Variants in SYT2 observed in about 807,000 individuals in gnomAD.
The protein encoded by SYT2 is synaptotagmin-2.
In SYT2, 15 loss-of-function variants were observed where a neutral mutation model predicts 39.9. That is an observed-to-expected ratio of 0.38 (90% CI 0.25 to 0.58). The LOEUF (loss-of-function observed/expected upper bound fraction) is 0.58. SYT2 is among the 20% of genes least tolerant of loss of function. The pLI is 0.70. For missense variants in SYT2, 389 were observed against 530.3 expected, an observed-to-expected ratio of 0.73 and a Z score of 2.62; for synonymous variants, 181 against 204.5, an observed-to-expected ratio of 0.89 and a Z score of 0.98.
intron 1 of SYT2, among the ~76,000 whole-genome samples, chr1:202,684,155 C>G (rs950594511): frequency 6.6e-6 from 1 of 152,072 alleles, no homozygotes; most frequent in South Asian, 2.1e-4. Context: ...ATTAGCCTAC[C>G]TGTCCCCTTC....
intron 1 of SYT2, among the ~76,000 whole-genome samples, chr1:202,709,874 G>C (rs1654351159): frequency 6.6e-6 from 1 of 152,174 alleles, no homozygotes; most frequent in Non-Finnish European, 1.5e-5. Flanking sequence ...GGCTGGCGGG[G>C]GCTGGGCTAG....
At chr1:202,690,128 CT>C (rs1009703518) in intron 1 of SYT2, among the ~76,000 whole-genome samples, 1 of 152,114 alleles carries the variant, frequency 6.6e-6, no homozygotes, top group Non-Finnish European at 1.5e-5. Context: ...TCCACTCCCC[CT>C]GAAGGCAACC....
At chr1:202,699,512 T>C (rs1425115987) in intron 1 of SYT2, among the ~76,000 whole-genome samples, 3 of 152,202 alleles carry the variant, frequency 2.0e-5, no homozygotes, top group African/African-American at 7.2e-5. Context: ...TGCCACCCAA[T>C]AGCAGTGTCA....
chr1:202,659,100 G>C (rs1189646401), intron 1 of SYT2, among the ~76,000 whole-genome samples: 3 of 152,120 alleles, frequency 2.0e-5, no homozygotes. Context: ...CCCCTTTGGA[G>C]TATCAAATAC....
intron 1 of SYT2, among the ~76,000 whole-genome samples, chr1:202,626,768 G>A (rs199751872): frequency 8.5e-5 from 13 of 152,108 alleles, no homozygotes; most frequent in East Asian, 3.9e-4. Flanking sequence ...ATGAGAGAAC[G>A]TGGGCTTTAG....
At chr1:202,624,137 T>TGTGTGATGTGAGTGTGC (rs1457799573) in intron 1 of SYT2, among the ~76,000 whole-genome samples, 3 of 152,040 alleles carry the variant, frequency 2.0e-5, no homozygotes, top group African/African-American at 7.3e-5. Flanking sequence ...TGGTGGTGTG[T>TGTGTGATGTGAGTGTGC]GTGTGATGTG....
At chr1:202,627,593 T>C in intron 1 of SYT2, 1 of 985,256 alleles carries the variant, frequency 1.0e-6, no homozygotes, top group Non-Finnish European at 1.2e-6. Context: ...GGAGATCCAG[T>C]GCAGCTCAGG....
At chr1:202,632,602 T>C (rs1691624955) in intron 1 of SYT2, 1 of 985,020 alleles carries the variant, frequency 1.0e-6, no homozygotes, top group African/African-American at 1.7e-5. Flanking sequence ...TCCCAGGCAT[T>C]ACCCAACAGG....
chr1:202,633,519 C>G (rs1572643637), intron 1 of SYT2, among the ~76,000 whole-genome samples: 1 of 152,136 alleles, frequency 6.6e-6, no homozygotes, highest in Admixed American at 6.5e-5. Flanking sequence ...CCCTACCTGG[C>G]CTTTAACACA....
At chr1:202,655,744 G>C (rs1269279426) in intron 1 of SYT2, among the ~76,000 whole-genome samples, 1 of 152,196 alleles carries the variant, frequency 6.6e-6, no homozygotes, top group African/African-American at 2.4e-5. Flanking sequence ...GAGGCTGAGG[G>C]AGGGTCTGAG....
Position 202,592,642 on chromosome 1 carries a change from G to A in SYT2, c.*4115C>T, listed in dbSNP as rs1450901275. ...GGATGGGGGCAGATGAGGCTCAAAT[G>A]GCTTCAGAAGGTTCTTATTTTGTTG... On this transcript the variant is annotated 3_prime_UTR_variant, in exon 9 of 9. Coordinates refer to ENST00000367268, the MANE Select transcript of SYT2 (RefSeq NM_177402.5). The A allele has an allele frequency of 1.3e-5, 2 of 152,136 alleles. No individual in the cohort carries two copies. The highest frequency in any genetic ancestry group is 2.9e-5 in the Non-Finnish European group (2 of 68,034). The allele number at this position is 152,136 out of a possible 1,614,324, so 9.4% of individuals were successfully genotyped here. A position where few individuals can be genotyped will look rare whatever the true frequency, so the allele number is the denominator to read the frequency against.
At chr1:202,640,139 C>T (rs1166007984) in intron 1 of SYT2, among the ~76,000 whole-genome samples, 2 of 152,198 alleles carry the variant, frequency 1.3e-5, no homozygotes, top group Admixed American at 6.5e-5. Flanking sequence ...AGCGCTCTTA[C>T]TGAGAAGGGG....
intron 1 of SYT2, among the ~76,000 whole-genome samples, chr1:202,653,421 A>T (rs542880369): frequency 1.3e-5 from 2 of 152,056 alleles, no homozygotes; most frequent in South Asian, 4.1e-4. Context: ...TTCTCCAGTC[A>T]CTTTGCTTGT....
chr1:202,707,949 T>C (rs1654294534), intron 1 of SYT2, among the ~76,000 whole-genome samples: 1 of 152,086 alleles, frequency 6.6e-6, no homozygotes, highest in African/African-American at 2.4e-5. Context: ...GCCTGGAAGC[T>C]GCCTAAGGGT....
intron 1 of SYT2, among the ~76,000 whole-genome samples, chr1:202,669,403 G>A (rs11577010): frequency 6.6e-6 from 1 of 151,934 alleles, no homozygotes; most frequent in Non-Finnish European, 1.5e-5. Context: ...TGTAATCCCA[G>A]CACTTTGGGA....
At chr1:202,600,277 C>A in intron 7 of SYT2, 80 bp downstream of exon 7, 1 of 1,189,180 alleles carries the variant, frequency 8.4e-7, no homozygotes. Flanking sequence ...TTCCTCTTCA[C>A]TGGAGTGTGC....
intron 1 of SYT2, among the ~76,000 whole-genome samples, chr1:202,700,041 A>T (rs998002387): frequency 2.2e-4 from 34 of 152,200 alleles, no homozygotes; most frequent in African/African-American, 7.7e-4. Flanking sequence ...CAAGGCAGAT[A>T]AACGCAGGGT....
intron 1 of SYT2, among the ~76,000 whole-genome samples, chr1:202,637,766 C>T (rs1303474799): frequency 5.3e-5 from 8 of 152,210 alleles, no homozygotes; most frequent in Non-Finnish European, 1.5e-5. Context: ...CCTCAGTGCC[C>T]GGGGCCAAAC....
intron 1 of SYT2, among the ~76,000 whole-genome samples, chr1:202,671,534 G>C (rs533896196): frequency 6.6e-6 from 1 of 152,262 alleles, no homozygotes; most frequent in Non-Finnish European, 1.5e-5. Context: ...AAAACCCAGA[G>C]CTGGAAGTCG....
Sources: allele counts gnomAD v4.1 joint callset (sites outside exome capture counted in the v4.1 genomes callset), GRCh38; gene constraint gnomAD v4.1.1; transcripts MANE v1.5; gene names NCBI Gene and HGNC (gene_info 2026-07-23, HGNC 2026-07-21).